Variants in TAF10 observed in about 807,000 individuals in gnomAD.
TAF10 encodes TATA-box binding protein associated factor 10.
Under a neutral mutation model 18.1 loss-of-function variants are expected in TAF10, and 2 were observed. The ratio of observed to expected loss-of-function variants is 0.11; its 90% CI spans 0.05 to 0.35. The LOEUF (loss-of-function observed/expected upper bound fraction) is 0.35, where lower values mean the gene tolerates loss of function less well. Ranked by LOEUF, TAF10 falls within the 10% of genes least tolerant of loss-of-function variation. TAF10 has a pLI of 1.00. For synonymous variants in TAF10, 158 were observed against 134.6 expected (o/e 1.17, Z -1.20); for missense variants, 293 against 306.9 (o/e 0.95, Z 0.34).
At position 6,612,122 on chromosome 11, in the gene TAF10, G is replaced by C; in HGVS notation, c.68C>G (p.Pro23Arg). Reference sequence around the variant, plus strand: ...GGCGGGAGCCGAGACCGGGGGCGCGGGGCCCGGGGCCGAGGCGGCGGAGGC... The same window carrying C: ...GGCGGGAGCCGAGACCGGGGGCGCGCGGCCCGGGGCCGAGGCGGCGGAGGC... ...APASAASAPGPAPPVSAPAAL... is the reference protein window; with the variant it reads ...APASAASAPGRAPPVSAPAAL... The change falls in exon 1 of 5, where the codon CCC becomes CGC. Residue 23 changes from proline to arginine, a missense_variant. Pro to Arg is a moderately radical substitution (Grantham distance 103). Transcript: ENST00000299424. The C allele has an allele frequency of 8.3e-7, 1 of 1,209,670 alleles. No homozygotes were observed. 74.9% of individuals were successfully genotyped at this position (1,209,670 alleles called of 1,614,324 possible).
Position 6,606,734 on chromosome 11 carries a change from T to C in TAF10, c.*4188A>G, listed in dbSNP as rs1020247977. ...TAATTCCTTGCAGGTCTTCTTGAGA[T>C]AGAAGTCCAGGCCCTGAGGTGGCAG... On this transcript the variant is annotated 3_prime_UTR_variant, in exon 5 of 5. Transcript: ENST00000299424. 3.9e-5 allele frequency: 6 copies of C among 152,202 alleles called. No individual in the cohort carries two copies. The highest frequency in any genetic ancestry group is 7.2e-5 in the African/African-American group (3 of 41,428). 9.4% of individuals were successfully genotyped at this position (152,202 alleles called of 1,614,324 possible). A position where few individuals can be genotyped will look rare whatever the true frequency, so the allele number is the denominator to read the frequency against.
At position 6,608,835 on chromosome 11, in the gene TAF10, A is replaced by C; in HGVS notation, c.*2087T>G. On this transcript the variant is annotated 3_prime_UTR_variant, in exon 5 of 5. Coordinates refer to ENST00000299424, the MANE Select transcript of TAF10 (RefSeq NM_006284.4). The surrounding 1 kb of genome is among the most constrained non-coding windows in gnomAD (Gnocchi z 4.9). ...AGCTTGTGTCCTCTCGTCCCTTCCC[A>C]CCTGTCTTCTCCCTCTGTACCACAG... The C allele has an allele frequency of 6.2e-7, 1 of 1,612,382 alleles. No homozygotes were observed.
In TAF10 at chr11:6,611,986, G is replaced by C; in HGVS notation, c.204C>G (p.Ala68=). The C allele has an allele frequency of 6.4e-7, 1 of 1,557,166 alleles. No homozygotes were observed. The change falls in exon 1 of 5, where the codon GCC becomes GCG. Residue 68 remains alanine, a synonymous_variant. Transcript: ENST00000299424. ...AGGTGPLAAR[A]GEPAERRGAA... is the part of the protein sequence containing the mutation. The stretch of plus-strand genomic sequence containing the variant: ...CCCCACGCCGCTCAGCTGGCTCCCC[G>C]GCCCGCGCCGCCAAGGGTCCCGTGC...
chr11:6,610,091 A>C lies in TAF10; in HGVS notation c.*831T>G. The stretch of plus-strand genomic sequence containing the variant: ...AAAGGACCACCTCAGAAGTAGTGGA[A>C]GGGGGCAGAGACAGGACAGGCAAGG... On this transcript the variant is annotated 3_prime_UTR_variant, in exon 5 of 5. Coordinates refer to ENST00000299424, the MANE Select transcript of TAF10 (RefSeq NM_006284.4). 1 of 1,614,172 alleles carries C rather than the reference A, an allele frequency of 6.2e-7. No homozygotes were observed. Among genetic ancestry groups the C allele is most frequent in the Non-Finnish European group, 8.5e-7 (1 of 1,180,018 alleles).
rs1439612462 is a variant in TAF10, at chr11:6,608,744, G to C, written c.*2178C>G. On this transcript the variant is annotated 3_prime_UTR_variant, in exon 5 of 5. Coordinates refer to ENST00000299424, the MANE Select transcript of TAF10 (RefSeq NM_006284.4). This position sits in a 1 kb window ranked among gnomAD's most constrained non-coding sequence, Gnocchi z 4.9. The stretch of plus-strand genomic sequence containing the variant: ...TCAGCATCTGTAACAAGTATGGAGA[G>C]ATGCCTGTGGACAAAGCCAAGGCAC... The C allele has an allele frequency of 1.2e-6, 2 of 1,614,054 alleles. No individual in the cohort carries two copies. Among genetic ancestry groups the C allele is most frequent in the Admixed American group, 1.7e-5 (1 of 60,010 alleles).
Position 6,610,285 on chromosome 11 carries a change from G to A in TAF10, c.*637C>T, listed in dbSNP as rs1274070497. On this transcript the variant is annotated 3_prime_UTR_variant, in exon 5 of 5. Transcript: ENST00000299424. The stretch of plus-strand genomic sequence containing the variant: ...TATGGAGATTGGAATGAAGGTGAGA[G>A]CACAACAGCATACATTTGTGTTGCG... The A allele has an allele frequency of 1.2e-6, 2 of 1,614,160 alleles. No homozygotes were observed. Among genetic ancestry groups the A allele is most frequent in the East Asian group, 2.2e-5 (1 of 44,880 alleles).
rs1476695888 is a variant in TAF10, at chr11:6,611,973, C to G, written c.217G>C (p.Glu73Gln). The G allele has an allele frequency of 1.3e-6, 2 of 1,567,658 alleles. No individual in the cohort carries two copies. Among genetic ancestry groups the G allele is most frequent in the Non-Finnish European group, 1.7e-6 (2 of 1,164,818 alleles). ...CGGCCCTCACCCGCCCCACGCCGCT[C>G]AGCTGGCTCCCCGGCCCGCGCCGCC... is the stretch of plus-strand genomic sequence containing the variant. ...PLAARAGEPAERRGAAPVSAG... is the reference protein window; with the variant it reads ...PLAARAGEPAQRRGAAPVSAG... The change falls in exon 1 of 5, where the codon GAG becomes CAG. Residue 73 changes from glutamate (E) to glutamine (Q), a missense_variant. By Grantham distance (29) the Glu-to-Gln change is conservative. Transcript: ENST00000299424.
At position 6,610,769 on chromosome 11, in the gene TAF10, G is replaced by GCCCC. The variant is rs1564851321; in HGVS notation, c.*149_*152dup. The GCCCC allele has an allele frequency of 1.5e-6, 2 of 1,321,352 alleles. No homozygotes were observed. Among genetic ancestry groups the GCCCC allele is most frequent in the Non-Finnish European group, 2.1e-6 (2 of 930,470 alleles). The allele number at this position is 1,321,352 out of a possible 1,614,324, so 81.9% of individuals were successfully genotyped here. The stretch of plus-strand genomic sequence containing the variant: ...CCCTTCCCCCATCCCTACCACTGTG[G>GCCCC]CCCCAAGAGGGGCGGGCTCAGAGCT... On this transcript the variant is annotated 3_prime_UTR_variant, in exon 5 of 5. Transcript: ENST00000299424.
Position 6,610,711 on chromosome 11 carries a change from A to C in TAF10, c.*211T>G. On this transcript the variant is annotated 3_prime_UTR_variant, in exon 5 of 5. Transcript: ENST00000299424. ...GCCTCTGGTTGCCTCCCCCGCCTCC[A>C]GTCATGGTACTACCCCAGCCATGGG... is the stretch of plus-strand genomic sequence containing the variant. The C allele has an allele frequency of 6.8e-7, 1 of 1,473,846 alleles. No homozygotes were observed. Among genetic ancestry groups the C allele is most frequent in the Non-Finnish European group, 9.4e-7 (1 of 1,060,564 alleles). The allele number at this position is 1,473,846 out of a possible 1,614,324, so 91.3% of individuals were successfully genotyped here.
In TAF10 at chr11:6,610,370, C is replaced by T. The variant is rs1037431046; in HGVS notation, c.*552G>A. 4.6e-5 allele frequency: 74 copies of T among 1,612,306 alleles called. No homozygotes were observed. Among genetic ancestry groups the T allele is most frequent in the East Asian group, 2.2e-4 (10 of 44,890 alleles). On this transcript the variant is annotated 3_prime_UTR_variant, in exon 5 of 5. Coordinates refer to ENST00000299424, the MANE Select transcript of TAF10 (RefSeq NM_006284.4). ...GGCCTTGGCTCCTCACATATTTGTT[C>T]GGATATACAGTAATCCTGTCCCAAG...
chr11:6,608,003 C>T lies in TAF10; in HGVS notation c.*2919G>A. On this transcript the variant is annotated 3_prime_UTR_variant, in exon 5 of 5. Transcript: ENST00000299424. This position sits in a 1 kb window ranked among gnomAD's most constrained non-coding sequence, Gnocchi z 4.9. Reference sequence around the variant, plus strand: ...TTTTTCAGGAATCAAAACCTTTGCCCCATCCCACCTCCAGCTCAATGACCA... The same window carrying T: ...TTTTTCAGGAATCAAAACCTTTGCCTCATCCCACCTCCAGCTCAATGACCA... The T allele has an allele frequency of 6.2e-7, 1 of 1,606,878 alleles. No individual in the cohort carries two copies. The highest frequency in any genetic ancestry group is 8.5e-7 in the Non-Finnish European group (1 of 1,174,756).
Position 6,609,865 on chromosome 11 carries a change from C to T in TAF10, c.*1057G>A. 6.2e-7 allele frequency: 1 copy of T among 1,614,234 alleles called. No homozygotes were observed. Among genetic ancestry groups the T allele is most frequent in the Non-Finnish European group, 8.5e-7 (1 of 1,180,036 alleles). On this transcript the variant is annotated 3_prime_UTR_variant, in exon 5 of 5. Coordinates refer to ENST00000299424, the MANE Select transcript of TAF10 (RefSeq NM_006284.4). ...GTAATGGTGAGGCCACAAGCTCACT[C>T]CTGGCCCAGGCCCCAAAAGCCCTTT... is the stretch of plus-strand genomic sequence containing the variant.
Position 6,611,946 on chromosome 11 carries a change from C to T in TAF10, c.232+12G>A. On this transcript the variant is annotated intron_variant, in intron 1 of 4. Transcript: ENST00000299424. Reference sequence around the variant, plus strand: ...AGACGCTTCCCTCGCCCTCACCCGTCCCGGCCCTCACCCGCCCCACGCCGC... The same window carrying T: ...AGACGCTTCCCTCGCCCTCACCCGTTCCGGCCCTCACCCGCCCCACGCCGC... The T allele has an allele frequency of 6.3e-7, 1 of 1,574,840 alleles. No homozygotes were observed. Among genetic ancestry groups the T allele is most frequent in the East Asian group, 2.3e-5 (1 of 43,108 alleles).
In TAF10 at chr11:6,609,354, G is replaced by A. The variant is rs1315052873; in HGVS notation, c.*1568C>T. The A allele has an allele frequency of 6.2e-6, 10 of 1,614,032 alleles. No homozygotes were observed. The highest frequency in any genetic ancestry group is 5.3e-5 in the African/African-American group (4 of 74,910). On this transcript the variant is annotated 3_prime_UTR_variant, in exon 5 of 5. Transcript: ENST00000299424. ...ATTGTCGTGAAGGTGCTGAAGGTTC[G>A]AGACTGGAGTACAAGGAAGAGCAGG...
In TAF10 at chr11:6,608,113, T is replaced by A. The variant is rs200336608; in HGVS notation, c.*2809A>T. The A allele has an allele frequency of 2.5e-4, 402 of 1,614,142 alleles. No homozygotes were observed. Among genetic ancestry groups the A allele is most frequent in the Non-Finnish European group, 1.7e-4 (197 of 1,180,016 alleles). On this transcript the variant is annotated 3_prime_UTR_variant, in exon 5 of 5. Transcript: ENST00000299424. This position sits in a 1 kb window ranked among gnomAD's most constrained non-coding sequence, Gnocchi z 4.9. ...GGGCCGCTCTGCTGTGGTTGAGATG[T>A]TGATCATGCGGGGGGCACGGATCAA...
chr11:6,610,143 T>C lies in TAF10; in HGVS notation c.*779A>G, dbSNP rs1855356541. The C allele has an allele frequency of 6.2e-7, 1 of 1,614,190 alleles. No individual in the cohort carries two copies. Among genetic ancestry groups the C allele is most frequent in the Non-Finnish European group, 8.5e-7 (1 of 1,180,028 alleles). ...GGCCAGAACAGACAAGCCCTATCTC[T>C]CCAGCTCTGCAGAAGAAGCCTGAAG... On this transcript the variant is annotated 3_prime_UTR_variant, in exon 5 of 5. Transcript: ENST00000299424.
rs1434280965 is a variant in TAF10 at position 6,608,651 on chromosome 11, C to T, written c.*2271G>A. The T allele has an allele frequency of 3.9e-6, 6 of 1,521,194 alleles. No individual in the cohort carries two copies. The highest frequency in any genetic ancestry group is 5.5e-6 in the Non-Finnish European group (6 of 1,095,162). 94.2% of individuals were successfully genotyped at this position (1,521,194 alleles called of 1,614,324 possible). ...TCATGGTTGGTTCAGTGACTGCCAG[C>T]GAGGTAGCAGTGGCTCTCATCATAA... On this transcript the variant is annotated 3_prime_UTR_variant, in exon 5 of 5. Coordinates refer to ENST00000299424, the MANE Select transcript of TAF10 (RefSeq NM_006284.4). The surrounding 1 kb of genome is among the most constrained non-coding windows in gnomAD (Gnocchi z 4.9).
At position 6,610,225 on chromosome 11, in the gene TAF10, G is replaced by C. The variant is rs772427264; in HGVS notation, c.*697C>G. 1 of 1,614,242 alleles carries C rather than the reference G, an allele frequency of 6.2e-7. No homozygotes were observed. The highest frequency in any genetic ancestry group is 8.5e-7 in the Non-Finnish European group (1 of 1,180,040). On this transcript the variant is annotated 3_prime_UTR_variant, in exon 5 of 5. Coordinates refer to ENST00000299424, the MANE Select transcript of TAF10 (RefSeq NM_006284.4). ...TTTTGCAGTGCTTCTGTGGGAACTG[G>C]TGACACGGGAGGTACCCTTTGCTGA...
Position 6,612,083 on chromosome 11 carries a change from C to T in TAF10, c.107G>A (p.Ser36Asn). 2 of 1,255,192 alleles carry T rather than the reference C, an allele frequency of 1.6e-6. No individual in the cohort carries two copies. Among genetic ancestry groups the T allele is most frequent in the Non-Finnish European group, 2.0e-6 (2 of 1,001,446 alleles). The allele number at this position is 1,255,192 out of a possible 1,614,324, so 77.8% of individuals were successfully genotyped here. Residue 36 changes from serine (S) to asparagine (N), a missense_variant, in exon 1 of 5, where the codon AGC becomes AAC. By Grantham distance (46) the Ser-to-Asn change is conservative. Transcript: ENST00000299424. ...GCTGGCCTTGTTCTCCGCGGCGGTG[C>T]TGGAGGGCAGCGCGGCGGGAGCCGA... ...PVSAPAALPS[S>N]TAAENKASPA...
Sources: gnomAD v4.1 joint callset for allele counts on GRCh38, gnomAD v4.1.1 for gene constraint, Gnocchi (gnomAD v3.1) non-coding constraint, MANE v1.5 for transcripts, NCBI Gene and HGNC (gene_info 2026-07-23, HGNC 2026-07-21) for gene names.